ZMAT3: variants seen among roughly 807,000 people sequenced by gnomAD.
ZMAT3 encodes the protein zinc finger matrin-type 3, also known as zinc finger matrin-type protein 3.
A neutral mutation model predicts 32.3 loss-of-function variants in ZMAT3; 17 were observed. The observed-to-expected ratio is 0.53, with a 90% CI of 0.36 to 0.79. The LOEUF is 0.79. ZMAT3 is among the 30% of genes least tolerant of loss of function. The probability of loss-of-function intolerance (pLI) is 0.00; values close to 1 mark genes in which losing one functional copy is unlikely to be tolerated. For synonymous variants in ZMAT3, 120 were observed against 133.1 expected (o/e 0.90, Z 0.68); for missense variants, 329 against 359.7 (o/e 0.91, Z 0.69).
upstream of ZMAT3, chr3:179,072,084 TG>T (rs1721757153): frequency 6.6e-6 from 1 of 152,522 alleles, no homozygotes. Context: ...GCAGATGCCC[TG>T]GAAAGTTAAT....
In ZMAT3 at chr3:179,039,068, T is replaced by C. The variant is rs190532358; in HGVS notation, c.271-8069A>G. ...AACAAAGTGGCTGGGAAGCTCGAACTGGGCAGAGCCCACCACAGCTCAACA... is the reference window on the plus strand; with the variant it reads ...AACAAAGTGGCTGGGAAGCTCGAACCGGGCAGAGCCCACCACAGCTCAACA... On this transcript the variant is annotated intron_variant, in intron 2 of 5. Coordinates refer to ENST00000311417, the MANE Select transcript of ZMAT3 (RefSeq NM_022470.4). Among the ~76,000 whole-genome samples the C allele has an allele frequency of 3.4e-3, 518 of 152,330 alleles. 3 individuals are homozygous for C. Among genetic ancestry groups the C allele is most frequent in the African/African-American group, 0.012 (491 of 41,582 alleles).
intron 1 of ZMAT3, chr3:179,071,286 T>G (rs1054397641): frequency 1.3e-5 from 2 of 151,968 alleles, no homozygotes; most frequent in African/African-American, 4.8e-5. Context: ...CACCTTACAT[T>G]CCTAAGATGT....
At chr3:179,042,190 A>C (rs1299666715) in intron 2 of ZMAT3, among the ~76,000 whole-genome samples, 1 of 152,204 alleles carries the variant, frequency 6.6e-6, no homozygotes, top group Non-Finnish European at 1.5e-5. Flanking sequence ...TTCTGAAACT[A>C]TTCCAATCAA....
chr3:179,065,330 T>C (rs1461167082), intron 2 of ZMAT3, among the ~76,000 whole-genome samples: 1 of 152,164 alleles, frequency 6.6e-6, no homozygotes, highest in African/African-American at 2.4e-5. Flanking sequence ...ATTCACTGTA[T>C]CACTGAGGAA....
chr3:179,059,801 C>T (rs753338121), intron 2 of ZMAT3, among the ~76,000 whole-genome samples: 8 of 152,164 alleles, frequency 5.3e-5, no homozygotes, highest in African/African-American at 9.7e-5. Flanking sequence ...CCCAACAGCA[C>T]TTGAGTTTTC....
intron 2 of ZMAT3, among the ~76,000 whole-genome samples, chr3:179,052,681 G>A (rs9881103): frequency 0.2 from 30,695 of 151,980 alleles, 3,753 homozygotes; most frequent in African/African-American, 0.35. Context: ...GTCATTACAC[G>A]AAAAAGATAC....
chr3:179,055,164 G>A (rs560056369), intron 2 of ZMAT3, among the ~76,000 whole-genome samples: 11 of 152,212 alleles, frequency 7.2e-5, no homozygotes, highest in Admixed American at 2.0e-4. Context: ...AGGCAAAAAC[G>A]CCCCTAAGAT....
intron 2 of ZMAT3, among the ~76,000 whole-genome samples, chr3:179,038,665 C>T (rs148133089): frequency 2.2e-4 from 33 of 152,304 alleles, no homozygotes; most frequent in African/African-American, 7.5e-4. Flanking sequence ...CGGGTGATAT[C>T]CGCATTTTGA....
At position 179,024,397 on chromosome 3, in the gene ZMAT3, T is replaced by C. The variant is rs947819019; in HGVS notation, c.*620A>G. 1.9e-4 allele frequency: 27 copies of C among 144,810 alleles called. No homozygotes were observed. The highest frequency in any genetic ancestry group is 8.9e-4 in the South Asian group (4 of 4,516). The allele number at this position is 144,810 out of a possible 1,614,324, so 9.0% of individuals were successfully genotyped here. On this transcript the variant is annotated 3_prime_UTR_variant, in exon 6 of 6. Coordinates refer to ENST00000311417, the MANE Select transcript of ZMAT3 (RefSeq NM_022470.4). Reference sequence around the variant, plus strand: ...AGCCCTGGGAAACTGAAATCTCTGCTGACCTATTTTTACTTTGATCTAAAA... The same window carrying C: ...AGCCCTGGGAAACTGAAATCTCTGCCGACCTATTTTTACTTTGATCTAAAA...
At chr3:179,043,439 C>A (rs1477446871) in intron 2 of ZMAT3, among the ~76,000 whole-genome samples, 1 of 152,174 alleles carries the variant, frequency 6.6e-6, no homozygotes, top group South Asian at 2.1e-4. Context: ...ACCATCTGAT[C>A]TTTGACAAAC....
rs1011284479 is a variant in ZMAT3, at chr3:179,067,607, C to T, written c.146G>A (p.Gly49Glu). The T allele has an allele frequency of 1.9e-6, 3 of 1,614,184 alleles. No homozygotes were observed. The highest frequency in any genetic ancestry group is 2.2e-5 in the South Asian group (2 of 91,086). The change falls in exon 2 of 6, where the codon GGG (glycine) becomes GAG (glutamate). Residue 49 changes from glycine (G) to glutamate (E), a missense_variant. Coordinates refer to ENST00000311417, the MANE Select transcript of ZMAT3 (RefSeq NM_022470.4). ...FGQEASLPLA[G>E]EEELSKGGEQ... ...CCCTCCCTTCGATAACTCTTCTTCC[C>T]CTGCAAGAGGCAAGGAAGCCTCCTG...
rs912868268 is a variant in ZMAT3, at chr3:179,046,481, T to C, written c.271-15482A>G. 6.6e-6 allele frequency among the ~76,000 whole-genome samples: 1 copy of C among 152,126 alleles called. No individual in the cohort carries two copies. Among genetic ancestry groups the C allele is most frequent in the Non-Finnish European group, 1.5e-5 (1 of 68,026 alleles). ...TGCTCCAAGAACTACAGCAGGAACA[T>C]ACCAGGAAAGCGGAGGGTATTCACA... On this transcript the variant is annotated intron_variant, in intron 2 of 5. Coordinates refer to ENST00000311417, the MANE Select transcript of ZMAT3 (RefSeq NM_022470.4). The surrounding 1 kb of genome is among the most constrained non-coding windows in gnomAD (Gnocchi z 4.3).
At chr3:179,065,463 A>C (rs1344757779) in intron 2 of ZMAT3, among the ~76,000 whole-genome samples, 11 of 152,244 alleles carry the variant, frequency 7.2e-5, no homozygotes, top group Admixed American at 7.2e-4. Flanking sequence ...TTATAATCCA[A>C]AGACCTTGCA....
intron 2 of ZMAT3, among the ~76,000 whole-genome samples, chr3:179,031,885 T>C: frequency 6.8e-6 from 1 of 146,382 alleles, no homozygotes. Context: ...CCAGCCTGGG[T>C]GACAAAGTTA....
chr3:179,067,569 C>T lies in ZMAT3; in HGVS notation c.184G>A (p.Ala62Thr). The change falls in exon 2 of 6, where the codon GCC (alanine) becomes ACC (threonine). Residue 62 changes from alanine to threonine, a missense_variant. Coordinates refer to ENST00000311417, the MANE Select transcript of ZMAT3 (RefSeq NM_022470.4). ...AGGGGCTTACATAGCTCCTCCAGGGCACAGTCTTGCTCCCCTCCCTTCGAT... is the reference window on the plus strand; with the variant it reads ...AGGGGCTTACATAGCTCCTCCAGGGTACAGTCTTGCTCCCCTCCCTTCGAT... Reference protein sequence around the residue: ...ELSKGGEQDCALEELCKPLYC... With the variant: ...ELSKGGEQDCTLEELCKPLYC... 2 of 1,614,206 alleles carry T rather than the reference C, an allele frequency of 1.2e-6. No homozygotes were observed. The highest frequency in any genetic ancestry group is 1.7e-6 in the Non-Finnish European group (2 of 1,180,042).
rs866252489 is a variant in ZMAT3, at chr3:179,017,469, C to A, written c.*7548G>T. On this transcript the variant is annotated 3_prime_UTR_variant, in exon 6 of 6. Coordinates refer to ENST00000311417, the MANE Select transcript of ZMAT3 (RefSeq NM_022470.4). ...GTTGATTGGTTTTAATCCCATGACA[C>A]GTTTGTCATTCTGCAGCCCCAGAAC... The A allele has an allele frequency of 6.6e-6, 1 of 152,200 alleles. No individual in the cohort carries two copies. Among genetic ancestry groups the A allele is most frequent in the Non-Finnish European group, 1.5e-5 (1 of 68,036 alleles). 9.4% of individuals were successfully genotyped at this position (152,200 alleles called of 1,614,324 possible).
Position 179,046,470 on chromosome 3 carries a change from C to G in ZMAT3, c.271-15471G>C, listed in dbSNP as rs1052790544. ...TCATGAAATTTTGCTCCAAGAACTA[C>G]AGCAGGAACATACCAGGAAAGCGGA... On this transcript the variant is annotated intron_variant, in intron 2 of 5. Transcript: ENST00000311417. This position sits in a 1 kb window ranked among gnomAD's most constrained non-coding sequence, Gnocchi z 4.3. 6.6e-6 allele frequency among the ~76,000 whole-genome samples: 1 copy of G among 152,192 alleles called. No individual in the cohort carries two copies. Among genetic ancestry groups the G allele is most frequent in the Non-Finnish European group, 1.5e-5 (1 of 68,046 alleles).
rs144946394 is a variant in ZMAT3, at chr3:179,035,852, G to C, written c.271-4853C>G. Among the ~76,000 whole-genome samples, 311 of 152,314 alleles carry C rather than the reference G, an allele frequency of 2.0e-3. 3 individuals are homozygous for C. The highest frequency in any genetic ancestry group is 0.019 in the Admixed American group (288 of 15,300). Reference sequence around the variant, plus strand: ...ATCACGGAAGACTTCCCTGAAAAGGGGGCAACTGACTCATCTTTTTAAATG... The same window carrying C: ...ATCACGGAAGACTTCCCTGAAAAGGCGGCAACTGACTCATCTTTTTAAATG... On this transcript the variant is annotated intron_variant, in intron 2 of 5. Coordinates refer to ENST00000311417, the MANE Select transcript of ZMAT3 (RefSeq NM_022470.4).
intron 2 of ZMAT3, among the ~76,000 whole-genome samples, chr3:179,034,669 A>G (rs994136786): frequency 2.0e-5 from 3 of 152,096 alleles, no homozygotes; most frequent in African/African-American, 7.2e-5. Context: ...GGCATATCCA[A>G]CTTAAAACAA....
Sources: allele counts gnomAD v4.1 joint callset (sites outside exome capture counted in the v4.1 genomes callset), GRCh38; gene constraint gnomAD v4.1.1; non-coding constraint Gnocchi (gnomAD v3.1); transcripts MANE v1.5; gene names NCBI Gene and HGNC (gene_info 2026-07-23, HGNC 2026-07-21).